The following SERPINI1 variants were observed in gnomAD, a reference collection of about 807,000 sequenced individuals.
The protein encoded by SERPINI1 is neuroserpin.
A neutral mutation model predicts 41.1 loss-of-function variants in SERPINI1; 19 were observed. The observed-to-expected ratio is 0.46, with a 90% CI of 0.32 to 0.68. The LOEUF is 0.68. Among genes scored for constraint, SERPINI1 ranks in the 30% least tolerant of loss-of-function variants. The probability of loss-of-function intolerance (pLI) is 0.03; values close to 1 mark genes in which losing one functional copy is unlikely to be tolerated. For synonymous variants in SERPINI1, 138 were observed against 156.6 expected (o/e 0.88, Z 0.89); for missense variants, 460 against 479.2 (o/e 0.96, Z 0.37).
At chr3:167,743,047 G>A (rs1219946993) in intron 1 of SERPINI1, among the ~76,000 whole-genome samples, 1 of 151,942 alleles carries the variant, frequency 6.6e-6, no homozygotes, top group Non-Finnish European at 1.5e-5. Flanking sequence ...AAACTTGATG[G>A]TTCTATAATA....
At chr3:167,743,767 A>T (rs560721231) in intron 1 of SERPINI1, among the ~76,000 whole-genome samples, 1 of 152,282 alleles carries the variant, frequency 6.6e-6, no homozygotes, top group East Asian at 1.9e-4. Context: ...CAACAAGGAT[A>T]TATGACTTAA....
At chr3:167,743,700 A>G (rs975941913) in intron 1 of SERPINI1, among the ~76,000 whole-genome samples, 1 of 152,142 alleles carries the variant, frequency 6.6e-6, no homozygotes, top group Non-Finnish European at 1.5e-5. Flanking sequence ...ACTGTCTGGC[A>G]TAATCTTTTG....
chr3:167,784,715 A>G (rs1185998559), intron 1 of SERPINI1, among the ~76,000 whole-genome samples: 4 of 152,150 alleles, frequency 2.6e-5, no homozygotes, highest in Non-Finnish European at 4.4e-5. Context: ...GAGAACAGCA[A>G]TGGGGAAGCT....
At chr3:167,783,365 A>G (rs1447082393) in intron 1 of SERPINI1, among the ~76,000 whole-genome samples, 2 of 152,210 alleles carry the variant, frequency 1.3e-5, no homozygotes, top group African/African-American at 4.8e-5. Flanking sequence ...TTGATTGATA[A>G]GATAAGGAGT....
At chr3:167,803,671 T>C (rs1711523205) in intron 5 of SERPINI1, among the ~76,000 whole-genome samples, 1 of 152,148 alleles carries the variant, frequency 6.6e-6, no homozygotes, top group African/African-American at 2.4e-5. Flanking sequence ...TAGCTAGTGT[T>C]TCATCACTAA....
intron 3 of SERPINI1, among the ~76,000 whole-genome samples, chr3:167,791,254 C>G (rs763231060): frequency 1.2e-4 from 18 of 152,146 alleles, no homozygotes; most frequent in Non-Finnish European, 2.1e-4. Flanking sequence ...AAAATTGAGA[C>G]TAAATTAAAA....
rs769806907 is a variant in SERPINI1, at chr3:167,790,559, C to T, written c.438C>T (p.Ala146=). 17 of 1,613,694 alleles carry T rather than the reference C, an allele frequency of 1.1e-5. No homozygotes were observed. Among genetic ancestry groups the T allele is most frequent in the South Asian group, 5.5e-5 (5 of 91,064 alleles). Residue 146 remains alanine (A), a synonymous_variant, in exon 3 of 9, where the codon GCC becomes GCT. Transcript: ENST00000446050. ...ATGTGGACTTCAGTCAAAATGTAGC[C>T]GTGGCCAACTACATCAATAAGTGGG... ...VNHVDFSQNV[A]VANYINKWVE... is the part of the protein sequence containing the mutation.
intron 1 of SERPINI1, among the ~76,000 whole-genome samples, chr3:167,773,543 A>G (rs961723197): frequency 2.0e-5 from 3 of 152,334 alleles, no homozygotes; most frequent in East Asian, 1.9e-4. Flanking sequence ...AAATGTAACT[A>G]GAATACTTTG....
chr3:167,792,754 A>T lies in SERPINI1; in HGVS notation c.646A>T (p.Met216Leu). 6.2e-7 allele frequency: 1 copy of T among 1,613,792 alleles called. No individual in the cohort carries two copies. Among genetic ancestry groups the T allele is most frequent in the South Asian group, 1.1e-5 (1 of 91,072 alleles). Residue 216 changes from methionine (M) to leucine (L), a missense_variant, in exon 4 of 9, where the codon ATG becomes TTG. Transcript: ENST00000446050. Reference sequence around the variant, plus strand: ...TGATGAAAGTGAAGTCCAAATTCCAATGATGTATCAGCAAGGAGAATTTTA... The same window carrying T: ...TGATGAAAGTGAAGTCCAAATTCCATTGATGTATCAGCAAGGAGAATTTTA... Reference protein sequence around the residue: ...KDDESEVQIPMMYQQGEFYYG... With the variant: ...KDDESEVQIPLMYQQGEFYYG...
chr3:167,747,669 A>G (rs1434982110), intron 1 of SERPINI1, among the ~76,000 whole-genome samples: 1 of 152,140 alleles, frequency 6.6e-6, no homozygotes, highest in African/African-American at 2.4e-5. Context: ...ACAACAAAAC[A>G]CTAGATTATA....
intron 7 of SERPINI1, among the ~76,000 whole-genome samples, 161 bp from the exon 8 acceptor site, chr3:167,824,312 G>A (rs1712444357): frequency 6.6e-6 from 1 of 152,132 alleles, no homozygotes; most frequent in Non-Finnish European, 1.5e-5. Flanking sequence ...AAGTAGAAAT[G>A]TTAACACCTT....
chr3:167,761,847 ATC>A (rs1307762885), intron 1 of SERPINI1, among the ~76,000 whole-genome samples: 1 of 152,170 alleles, frequency 6.6e-6, no homozygotes, highest in African/African-American at 2.4e-5. Flanking sequence ...AAGGTTTTCA[ATC>A]TCTATTTATT....
At chr3:167,760,583 G>A (rs1246918683) in intron 1 of SERPINI1, among the ~76,000 whole-genome samples, 2 of 149,976 alleles carry the variant, frequency 1.3e-5, no homozygotes, top group Non-Finnish European at 3.0e-5. Flanking sequence ...GTGTGTGTGT[G>A]TGTGTGTGTG....
At chr3:167,748,301 A>G (rs1725928304) in intron 1 of SERPINI1, among the ~76,000 whole-genome samples, 1 of 152,234 alleles carries the variant, frequency 6.6e-6, no homozygotes, top group Non-Finnish European at 1.5e-5. Context: ...GAAGCAATAA[A>G]TAGACAAAAA....
chr3:167,811,177 GT>G (rs1050959838), intron 6 of SERPINI1, among the ~76,000 whole-genome samples: 8 of 150,722 alleles, frequency 5.3e-5, no homozygotes, highest in Non-Finnish European at 8.8e-5. Flanking sequence ...AAACATCAGT[GT>G]TTTTATTGGC....
intron 1 of SERPINI1, among the ~76,000 whole-genome samples, chr3:167,775,894 G>T (rs181426971): frequency 6.6e-6 from 1 of 151,988 alleles, no homozygotes; most frequent in Non-Finnish European, 1.5e-5. Context: ...ACAAGAAATT[G>T]TTCAGTAAAA....
chr3:167,766,110 T>G (rs897165867), intron 1 of SERPINI1, among the ~76,000 whole-genome samples: 10 of 152,068 alleles, frequency 6.6e-5, no homozygotes, highest in African/African-American at 2.4e-4. Context: ...CCAAAGTCGC[T>G]TCCACATTTG....
chr3:167,815,184 T>G (rs1365942274), intron 6 of SERPINI1, among the ~76,000 whole-genome samples: 1 of 152,158 alleles, frequency 6.6e-6, no homozygotes, highest in Non-Finnish European at 1.5e-5. Context: ...TGGTCTTGAT[T>G]GTCTACTGCA....
chr3:167,801,662 T>C (rs982023740), intron 5 of SERPINI1, among the ~76,000 whole-genome samples: 1 of 152,134 alleles, frequency 6.6e-6, no homozygotes. Flanking sequence ...TTAAATAATA[T>C]ATTATTCATA....
Sources: gnomAD v4.1 joint callset for allele counts (sites outside exome capture counted in the v4.1 genomes callset) on GRCh38, gnomAD v4.1.1 for gene constraint, MANE v1.5 for transcripts, NCBI Gene and HGNC (gene_info 2026-07-23, HGNC 2026-07-21) for gene names.